The following ZCCHC8 variants were observed in gnomAD, a reference collection of about 807,000 sequenced individuals.
ZCCHC8 encodes zinc finger CCHC domain-containing protein 8.
ZCCHC8 carries 27 observed loss-of-function variants against 70.6 expected under a neutral mutation model. That is an observed-to-expected ratio of 0.38 (90% CI 0.28 to 0.53). ZCCHC8 has a LOEUF of 0.53. ZCCHC8 is among the 20% of genes least tolerant of loss of function. ZCCHC8 has a pLI of 0.81. For synonymous variants in ZCCHC8, 293 were observed against 317.4 expected (o/e 0.92, Z 0.82); for missense variants, 737 against 876.9 (o/e 0.84, Z 2.01).
At chr12:122,480,904 C>T (rs2137333480) in intron 10 of ZCCHC8, 1 of 152,448 alleles carries the variant, frequency 6.6e-6, no homozygotes, top group South Asian at 2.1e-4. Flanking sequence ...GCCACTGTGC[C>T]CGGCTGAAAC....
At chr12:122,494,697 T>C (rs1048561196) in intron 2 of ZCCHC8, among the ~76,000 whole-genome samples, 2 of 151,406 alleles carry the variant, frequency 1.3e-5, no homozygotes, top group South Asian at 2.1e-4. Flanking sequence ...CTACCAAAAA[T>C]ACAAAAAATT....
chr12:122,500,463 G>A lies in ZCCHC8; in HGVS notation c.199+179C>T, dbSNP rs1469982819. The A allele has an allele frequency of 6.1e-6, 5 of 817,958 alleles. No individual in the cohort carries two copies. The highest frequency in any genetic ancestry group is 5.5e-5 in the South Asian group (3 of 54,700). The allele number at this position is 817,958 out of a possible 1,614,324, so 50.7% of individuals were successfully genotyped here. A position where few individuals can be genotyped will look rare whatever the true frequency, so the allele number is the denominator to read the frequency against. ...GAAGAGGTCTGCGCCGAGGCAGCCT[G>A]CGCGCCCCGAACCCTAGACTCTCGG... On this transcript the variant is annotated intron_variant, in intron 1 of 13. Coordinates refer to ENST00000633063, the MANE Select transcript of ZCCHC8 (RefSeq NM_017612.5). This position sits in a 1 kb window ranked among gnomAD's most constrained non-coding sequence, Gnocchi z 4.8.
intron 11 of ZCCHC8, 155 bp from the exon 12 acceptor site, chr12:122,478,447 T>C: frequency 1.6e-6 from 1 of 620,998 alleles, no homozygotes; most frequent in Non-Finnish European, 2.8e-6. Context: ...AAATAATGTG[T>C]TGAAGGAAAA....
At chr12:122,480,363 C>A in intron 10 of ZCCHC8, 52 bp from the exon 11 acceptor site, 2 of 1,447,830 alleles carry the variant, frequency 1.4e-6, no homozygotes, top group South Asian at 1.6e-5. Flanking sequence ...ATATATATCC[C>A]TCCCCAGACC....
chr12:122,498,600 T>C (rs943277952), intron 2 of ZCCHC8, among the ~76,000 whole-genome samples: 8 of 152,246 alleles, frequency 5.3e-5, no homozygotes, highest in Non-Finnish European at 4.4e-5. Context: ...TGGATTTTGT[T>C]TCATCCTTTC....
chr12:122,474,911 T>G (rs1205936455), intron 13 of ZCCHC8, among the ~76,000 whole-genome samples: 1 of 151,966 alleles, frequency 6.6e-6, no homozygotes, highest in Non-Finnish European at 1.5e-5. Context: ...ATTTTTGTAT[T>G]TTTAGTAGAG....
intron 13 of ZCCHC8, among the ~76,000 whole-genome samples, chr12:122,475,067 A>AGATG (rs1213229714): frequency 6.9e-6 from 1 of 144,906 alleles, no homozygotes; most frequent in African/African-American, 2.6e-5. Context: ...TTTATTTTTG[A>AGATG]GATGGAGTCT....
At chr12:122,496,438 G>C (rs1039304229) in intron 2 of ZCCHC8, among the ~76,000 whole-genome samples, 3 of 151,782 alleles carry the variant, frequency 2.0e-5, no homozygotes, top group Non-Finnish European at 2.9e-5. Flanking sequence ...GTTTGAACTC[G>C]GATAAAAATC....
intron 3 of ZCCHC8, chr12:122,492,002 C>G (rs1957755326): frequency 6.6e-6 from 1 of 152,292 alleles, no homozygotes; most frequent in South Asian, 2.1e-4. Context: ...AGCTTCCCAA[C>G]CCTCAGAGCC....
chr12:122,486,585 TGAGA>T (rs1254855387), intron 5 of ZCCHC8, among the ~76,000 whole-genome samples: 2 of 151,890 alleles, frequency 1.3e-5, no homozygotes, highest in East Asian at 1.9e-4. Context: ...GCTTTTTTTT[TGAGA>T]GAGAGAGTCT....
At chr12:122,482,311 T>G (rs1236825348) in intron 8 of ZCCHC8, 2 of 462,662 alleles carry the variant, frequency 4.3e-6, no homozygotes, top group Non-Finnish European at 7.3e-6. Context: ...TAGGATAAAC[T>G]CTACAATTTA....
In ZCCHC8 at chr12:122,474,734, CTTTTTTTT is replaced by C. The variant is rs1235367292; in HGVS notation, c.1346-467_1346-460del. Among the ~76,000 whole-genome samples the C allele has an allele frequency of 4.0e-5, 5 of 124,740 alleles. 1 individual carries two copies. The highest frequency in any genetic ancestry group is 9.2e-5 in the African/African-American group (3 of 32,588). The allele number at this position is 124,740 out of a possible 152,430, so 81.8% of individuals were successfully genotyped here. A position where few individuals can be genotyped will look rare whatever the true frequency, so the allele number is the denominator to read the frequency against. ...GTACACCTTGGGTTATTTCCTAGCT[CTTTTTTTT>C]TTTTTTTTTTTTGAGACAGTCTTAC... On this transcript the variant is annotated intron_variant, in intron 13 of 13. Transcript: ENST00000633063.
chr12:122,489,289 A>G (rs117697674), intron 5 of ZCCHC8, 97 bp downstream of exon 5: 17,333 of 1,091,536 alleles, frequency 0.016, 187 homozygotes, highest in Non-Finnish European at 0.02. Context: ...AAGTGAAGAC[A>G]TATGACTATA....
rs551604361 is a variant in ZCCHC8, at chr12:122,493,188, A to G, written c.243-399T>C. Among the ~76,000 whole-genome samples, 18 of 152,222 alleles carry G rather than the reference A, an allele frequency of 1.2e-4. No homozygotes were observed. In the South Asian group the frequency reaches 3.5e-3, roughly 30 times the overall value. On this transcript the variant is annotated intron_variant, in intron 2 of 13. Transcript: ENST00000633063. ...AGCCTTAAAATTCTTAAGTACCAAA[A>G]ATCATATAGCATTTTCCACATATTG...
At chr12:122,474,681 T>C (rs1313665839) in intron 13 of ZCCHC8, among the ~76,000 whole-genome samples, 2 of 151,076 alleles carry the variant, frequency 1.3e-5, no homozygotes, top group Admixed American at 1.3e-4. Context: ...GGAAGGCTAA[T>C]GGGGAGGAAG....
chr12:122,485,506 C>G (rs905224535), intron 5 of ZCCHC8, among the ~76,000 whole-genome samples: 3 of 152,116 alleles, frequency 2.0e-5, no homozygotes, highest in Admixed American at 1.3e-4. Flanking sequence ...AAGTTCTGAT[C>G]AGTCCTAACC....
Position 122,473,705 on chromosome 12 carries a change from C to A in ZCCHC8, c.1916G>T (p.Gly639Val). ...GTCTGCAGGAAAGAGCTTCTGGCTG[C>A]CCCCATTGCTGATGTCACAGTTTGG... ...VVPNCDISNG[G>V]SQKLFPADTS... is the part of the protein sequence containing the mutation. Residue 639 changes from glycine (G) to valine (V), a missense_variant, in exon 14 of 14, where the codon GGC (glycine) becomes GTC (valine). Transcript: ENST00000633063. 1 of 1,613,948 alleles carries A rather than the reference C, an allele frequency of 6.2e-7. No individual in the cohort carries two copies. The highest frequency in any genetic ancestry group is 8.5e-7 in the Non-Finnish European group (1 of 1,179,872).
At chr12:122,492,112 C>G (rs1957756873) in intron 3 of ZCCHC8, 2 of 152,372 alleles carry the variant, frequency 1.3e-5, no homozygotes, top group African/African-American at 4.8e-5. Flanking sequence ...AGGGAGCAAG[C>G]AACTATGTGA....
intron 2 of ZCCHC8, among the ~76,000 whole-genome samples, chr12:122,494,977 G>C (rs1957804758): frequency 6.6e-6 from 1 of 152,224 alleles, no homozygotes; most frequent in Admixed American, 6.5e-5. Flanking sequence ...TAGGAGATAT[G>C]ATTAAGGAAG....
Sources: gnomAD v4.1 joint callset for allele counts (sites outside exome capture counted in the v4.1 genomes callset) on GRCh38, gnomAD v4.1.1 for gene constraint, Gnocchi (gnomAD v3.1) non-coding constraint, MANE v1.5 for transcripts, NCBI Gene and HGNC (gene_info 2026-07-23, HGNC 2026-07-21) for gene names.